The following EIF3H variants were observed in gnomAD, a reference collection of about 807,000 sequenced individuals.
EIF3H encodes eukaryotic translation initiation factor 3 subunit H.
Under a neutral mutation model 44.2 loss-of-function variants are expected in EIF3H, and 26 were observed. The observed-to-expected ratio is 0.59, with a 90% CI of 0.43 to 0.82. The LOEUF (loss-of-function observed/expected upper bound fraction) is 0.82, where lower values mean the gene tolerates loss of function less well. Among genes scored for constraint, EIF3H ranks in the 40% least tolerant of loss-of-function variants. The pLI, the probability that EIF3H is intolerant of heterozygous loss-of-function variation, is 0.00. For synonymous variants in EIF3H, 166 were observed against 151.9 expected, an observed-to-expected ratio of 1.09 and a Z score of -0.68; for missense variants, 359 against 432.8, an observed-to-expected ratio of 0.83 and a Z score of 1.51.
intron 1 of EIF3H, among the ~76,000 whole-genome samples, chr8:116,763,022 G>A (rs1006298290): frequency 6.6e-6 from 1 of 152,166 alleles, no homozygotes; most frequent in African/African-American, 2.4e-5. Flanking sequence ...ATAAAATCAG[G>A]AGTCTATTCC....
intron 2 of EIF3H, among the ~76,000 whole-genome samples, chr8:116,669,478 C>T (rs1251980409): frequency 2.6e-5 from 4 of 152,144 alleles, no homozygotes; most frequent in Non-Finnish European, 1.5e-5. Flanking sequence ...TGCCAGCTTA[C>T]TCAGGGGACT....
chr8:116,693,424 A>G (rs925058438), intron 2 of EIF3H, among the ~76,000 whole-genome samples: 31 of 152,220 alleles, frequency 2.0e-4, no homozygotes, highest in African/African-American at 7.5e-4. Flanking sequence ...GTGGTAACAA[A>G]TAGAGAAACA....
At chr8:116,657,389 C>T in intron 3 of EIF3H, 75 bp from the exon 4 acceptor site, 1 of 1,025,770 alleles carries the variant, frequency 9.7e-7, no homozygotes. Context: ...GTTCTAGGCA[C>T]ATTCTGTTAC....
chr8:116,692,621 A>C (rs1814197376), intron 2 of EIF3H, among the ~76,000 whole-genome samples: 1 of 152,198 alleles, frequency 6.6e-6, no homozygotes, highest in Admixed American at 6.5e-5. Context: ...ATTAAAGAAC[A>C]CTCAGGAAAA....
chr8:116,762,569 T>C (rs2131013107), intron 1 of EIF3H, among the ~76,000 whole-genome samples: 1 of 152,320 alleles, frequency 6.6e-6, no homozygotes, highest in South Asian at 2.1e-4. Context: ...TTCCCAGAAT[T>C]CCATGCAACA....
chr8:116,652,533 A>T (rs1813411583), intron 5 of EIF3H, among the ~76,000 whole-genome samples: 1 of 152,208 alleles, frequency 6.6e-6, no homozygotes, highest in African/African-American at 2.4e-5. Flanking sequence ...TAGGAGATGC[A>T]CGCATTTTAG....
chr8:116,651,729 A>G (rs1450683211), intron 5 of EIF3H, among the ~76,000 whole-genome samples: 1 of 152,152 alleles, frequency 6.6e-6, no homozygotes, highest in African/African-American at 2.4e-5. Context: ...GTTTTACCCT[A>G]ATTTCTAAAT....
intron 2 of EIF3H, among the ~76,000 whole-genome samples, chr8:116,664,864 T>G (rs1813642994): frequency 6.6e-6 from 1 of 152,218 alleles, no homozygotes; most frequent in South Asian, 2.1e-4. Flanking sequence ...ATAAAATTAT[T>G]TCTAAAATAA....
chr8:116,751,781 T>C (rs897176273), intron 1 of EIF3H, among the ~76,000 whole-genome samples: 6 of 152,224 alleles, frequency 3.9e-5, no homozygotes, highest in African/African-American at 1.4e-4. Flanking sequence ...GCTTAAATGG[T>C]GACTTATTCT....
At chr8:116,719,657 T>C (rs1225064393) in intron 2 of EIF3H, among the ~76,000 whole-genome samples, 1 of 151,946 alleles carries the variant, frequency 6.6e-6, no homozygotes, top group Non-Finnish European at 1.5e-5. Flanking sequence ...AAAAATAAAA[T>C]GGAGAGATCA....
At chr8:116,667,297 G>A (rs1813686051) in intron 2 of EIF3H, among the ~76,000 whole-genome samples, 1 of 152,054 alleles carries the variant, frequency 6.6e-6, no homozygotes, top group South Asian at 2.1e-4. Context: ...ACCCTAAAAT[G>A]AAATTTTCAT....
intron 2 of EIF3H, among the ~76,000 whole-genome samples, chr8:116,704,118 C>T (rs1161139005): frequency 1.3e-5 from 2 of 152,156 alleles, no homozygotes; most frequent in Non-Finnish European, 2.9e-5. Flanking sequence ...TCCATTCTAC[C>T]TCCTGACAAT....
In EIF3H at chr8:116,752,722, A is replaced by G. The variant is rs138564881; in HGVS notation, c.132+2944T>C. 8.6e-3 allele frequency among the ~76,000 whole-genome samples: 956 copies of G among 111,240 alleles called. 20 individuals carry two copies. Among genetic ancestry groups the G allele is most frequent in the Admixed American group, 0.027 (251 of 9,362 alleles). 73.0% of individuals were successfully genotyped at this position (111,240 alleles called of 152,430 possible). On this transcript the variant is annotated intron_variant, in intron 1 of 7. Coordinates refer to ENST00000521861, the MANE Select transcript of EIF3H (RefSeq NM_003756.3). ...AAAGAAAGAAAGAAAGAAAGAAAGAAAGAAAGAAAGAAGAGAAAGAAAGAA... is the reference window on the plus strand; with the variant it reads ...AAAGAAAGAAAGAAAGAAAGAAAGAGAGAAAGAAAGAAGAGAAAGAAAGAA...
chr8:116,720,283 T>C (rs970338025), intron 2 of EIF3H, among the ~76,000 whole-genome samples: 6 of 152,252 alleles, frequency 3.9e-5, no homozygotes, highest in Non-Finnish European at 8.8e-5. Context: ...TCAATTGTTG[T>C]AATGTTTTTA....
At chr8:116,761,179 AT>A (rs1815515690) in intron 1 of EIF3H, among the ~76,000 whole-genome samples, 2 of 152,216 alleles carry the variant, frequency 1.3e-5, no homozygotes, top group South Asian at 4.1e-4. Flanking sequence ...GCCATTAAAC[AT>A]TTTGTAGTAA....
chr8:116,644,942 C>T lies in EIF3H; in HGVS notation c.*64G>A. 2 of 1,279,618 alleles carry T rather than the reference C, an allele frequency of 1.6e-6. No homozygotes were observed. The highest frequency in any genetic ancestry group is 2.5e-5 in the South Asian group (2 of 79,552). The allele number at this position is 1,279,618 out of a possible 1,614,324, so 79.3% of individuals were successfully genotyped here. A position where few individuals can be genotyped will look rare whatever the true frequency, so the allele number is the denominator to read the frequency against. ...TTTCAATATGCAAATATATTTCTTC[C>T]AAGAGTTGCCCTGGTGTGACTTCAA... On this transcript the variant is annotated 3_prime_UTR_variant, in exon 8 of 8. Coordinates refer to ENST00000521861, the MANE Select transcript of EIF3H (RefSeq NM_003756.3).
At chr8:116,651,635 A>T (rs1167931928) in intron 5 of EIF3H, among the ~76,000 whole-genome samples, 1 of 152,140 alleles carries the variant, frequency 6.6e-6, no homozygotes, top group Non-Finnish European at 1.5e-5. Flanking sequence ...CTTCTTTCAT[A>T]TTTATTTTGT....
chr8:116,733,443 C>G (rs563527498), intron 1 of EIF3H, among the ~76,000 whole-genome samples: 1 of 152,240 alleles, frequency 6.6e-6, no homozygotes, highest in East Asian at 1.9e-4. Context: ...GGGGCCTGAC[C>G]TAAATCACCT....
intron 2 of EIF3H, among the ~76,000 whole-genome samples, chr8:116,674,219 G>T (rs976344539): frequency 6.6e-6 from 1 of 150,442 alleles, no homozygotes; most frequent in African/African-American, 2.4e-5. Context: ...AGTAGAAGAA[G>T]GAAAGAGAGC....
Sources: gnomAD v4.1 joint callset for allele counts (sites outside exome capture counted in the v4.1 genomes callset) on GRCh38, gnomAD v4.1.1 for gene constraint, MANE v1.5 for transcripts, NCBI Gene and HGNC (gene_info 2026-07-23, HGNC 2026-07-21) for gene names.